Variants in POLR2F observed in about 807,000 individuals in gnomAD.
POLR2F encodes DNA-directed RNA polymerases I, II, and III subunit RPABC2.
A neutral mutation model predicts 22.7 loss-of-function variants in POLR2F; 12 were observed. The ratio of observed to expected loss-of-function variants is 0.53; its 90% CI spans 0.34 to 0.86. The LOEUF (loss-of-function observed/expected upper bound fraction) is 0.86, where lower values mean the gene tolerates loss of function less well. POLR2F is among the 40% of genes least tolerant of loss of function. The pLI, the probability that POLR2F is intolerant of heterozygous loss-of-function variation, is 0.02. For synonymous variants in POLR2F, 57 were observed against 66.0 expected (o/e 0.86, Z 0.66); for missense variants, 126 against 171.5 (o/e 0.73, Z 1.48).
At chr22:37,971,340 C>G, downstream of POLR2F, 1 of 470,370 alleles carries the variant, frequency 2.1e-6, no homozygotes, top group Non-Finnish European at 4.4e-6. Context: ...CCTTCACTGG[C>G]CTGAATGACA....
chr22:37,974,011 A>C (rs1932145649), downstream of POLR2F: 3 of 1,613,666 alleles, frequency 1.9e-6, no homozygotes, highest in African/African-American at 2.7e-5. This position sits in a 1 kb window ranked among gnomAD's most constrained non-coding sequence, Gnocchi z 5.4. Context: ...GGTCCAACTC[A>C]GCCACATCAA....
rs1053278636 is a variant in POLR2F at position 37,987,438 on chromosome 22, T to A, written c.120+1126T>A. 8.0e-6 allele frequency: 3 copies of A among 377,182 alleles called. No homozygotes were observed. In the Admixed American group the frequency reaches 9.3e-5, roughly 12 times the overall value. 23.4% of individuals were successfully genotyped at this position (377,182 alleles called of 1,614,324 possible). ...TTCACCCCCCAGCTCCCAAGTCCTC[T>A]TCCTGAGGGAGCTGGTCCGGCTTTA... On this transcript the variant is annotated intron_variant, in intron 1 of 2. Transcript: ENST00000333418.
Position 37,978,159 on chromosome 22 carries a change from A to G in POLR2F, c.293+10989A>G, listed in dbSNP as rs1267827812. 1 of 1,519,230 alleles carries G rather than the reference A, an allele frequency of 6.6e-7. No individual in the cohort carries two copies. The highest frequency in any genetic ancestry group is 2.3e-5 in the East Asian group (1 of 43,020). The allele number at this position is 1,519,230 out of a possible 1,614,324, so 94.1% of individuals were successfully genotyped here. A position where few individuals can be genotyped will look rare whatever the true frequency, so the allele number is the denominator to read the frequency against. ...GCCTGGGGTGTGGTGGGAGGCGGAG[A>G]GGACAGCAGAGGGGCTGGCGTGAAT... On this transcript the variant is annotated intron_variant, in intron 4 of 4. Transcript: ENST00000405557. The surrounding 1 kb of genome is among the most constrained non-coding windows in gnomAD (Gnocchi z 5.0).
At chr22:37,996,114 G>A (rs2084711392) in intron 1 of POLR2F, among the ~76,000 whole-genome samples, 2 of 152,202 alleles carry the variant, frequency 1.3e-5, no homozygotes, top group African/African-American at 4.8e-5. Flanking sequence ...TCTGGAGCAG[G>A]GACACCCTGG....
chr22:37,967,266 G>A, intron 4 of POLR2F, 96 bp downstream of exon 4: 3 of 1,583,278 alleles, frequency 1.9e-6, no homozygotes, highest in Non-Finnish European at 2.6e-6. Context: ...CCTGGCTGGA[G>A]AAGTTGATGC....
At chr22:37,959,970 ATTG>A (rs142218592) in intron 3 of POLR2F, among the ~76,000 whole-genome samples, 97,278 of 151,206 alleles carry the variant, frequency 0.64, 31,378 homozygotes, top group East Asian at 0.75. Flanking sequence ...TGCCTAACTA[ATTG>A]TTGTGTTTTT....
chr22:38,013,653 T>TTACACA (rs1391386569), intron 1 of POLR2F, among the ~76,000 whole-genome samples: 1 of 152,202 alleles, frequency 6.6e-6, no homozygotes, highest in African/African-American at 2.4e-5. Flanking sequence ...AAAAACACCA[T>TTACACA]TACACAAAGT....
rs1405408228 is a variant in POLR2F at position 37,968,197 on chromosome 22, C to G, written c.*482C>G. ...TGCTTCGAGCCTCTTATCGTGGGCT[C>G]GGATCCCCTTTCAGGAGCAGTGCCC... is the stretch of plus-strand genomic sequence containing the variant. On this transcript the variant is annotated 3_prime_UTR_variant, in exon 5 of 5. Coordinates refer to ENST00000442738, the MANE Select transcript of POLR2F (RefSeq NM_021974.5). 2 of 985,532 alleles carry G rather than the reference C, an allele frequency of 2.0e-6. No individual in the cohort carries two copies. The highest frequency in any genetic ancestry group is 2.4e-6 in the Non-Finnish European group (2 of 830,016). The allele number at this position is 985,532 out of a possible 1,614,324, so 61.0% of individuals were successfully genotyped here.
chr22:38,034,221 T>C (rs1441112004), intron 5 of POLR2F: 1 of 168,948 alleles, frequency 5.9e-6, no homozygotes, highest in East Asian at 1.9e-4. Flanking sequence ...TCATCCCCAC[T>C]AGTTGTCTTT....
At position 37,980,127 on chromosome 22, in the gene POLR2F, T is replaced by C. The variant is rs1932351578; in HGVS notation, c.293+12957T>C. 1.3e-5 allele frequency among the ~76,000 whole-genome samples: 2 copies of C among 152,078 alleles called. No individual in the cohort carries two copies. The highest frequency in any genetic ancestry group is 1.3e-4 in the Admixed American group (2 of 15,280). ...CCAGCCGAGACTCTGTCAGAGTCAG[T>C]GTACACACTTAGGACAAAGATGCCG... On this transcript the variant is annotated intron_variant, in intron 4 of 4. Coordinates refer to the POLR2F transcript ENST00000405557. This position sits in a 1 kb window ranked among gnomAD's most constrained non-coding sequence, Gnocchi z 4.1.
downstream of POLR2F, chr22:37,972,145 G>A (rs576387871): frequency 4.1e-5 from 18 of 441,314 alleles, no homozygotes; most frequent in East Asian, 1.6e-3. Context: ...GAGAGAGGAG[G>A]GGGGAGGGGA....
At chr22:38,025,871 C>T (rs1376331006) in exon 2 of POLR2F, 1 of 959,824 alleles carries the variant, frequency 1.0e-6, no homozygotes, top group East Asian at 2.5e-5. Context: ...CTCCCCAGGG[C>T]TGGGACCGTC....
intron 1 of POLR2F, among the ~76,000 whole-genome samples, chr22:37,995,247 C>T (rs965622758): frequency 6.6e-6 from 1 of 152,270 alleles, no homozygotes; most frequent in African/African-American, 2.4e-5. Context: ...CACCTTTTGT[C>T]CCCCAAGTGC....
intron 1 of POLR2F, among the ~76,000 whole-genome samples, chr22:38,000,029 T>C (rs1334355680): frequency 3.9e-5 from 6 of 152,120 alleles, no homozygotes; most frequent in Non-Finnish European, 8.8e-5. Context: ...TCAGCTGTGG[T>C]TTTGGCGAGG....
At chr22:38,008,746 T>G (rs1369805783) in intron 1 of POLR2F, among the ~76,000 whole-genome samples, 1 of 149,972 alleles carries the variant, frequency 6.7e-6, no homozygotes, top group Non-Finnish European at 1.5e-5. Context: ...TAATCCCAGC[T>G]ACTAGGGAGG....
intron 2 of POLR2F, chr22:37,958,281 C>T (rs889006641): frequency 1.3e-5 from 2 of 151,606 alleles, no homozygotes; most frequent in Non-Finnish European, 1.5e-5. Flanking sequence ...CTCTGCTTCC[C>T]GGGTTCATGC....
chr22:38,025,862 TC>T, intron 1 of POLR2F: 2 of 1,062,090 alleles, frequency 1.9e-6, no homozygotes, highest in Non-Finnish European at 2.9e-6. Flanking sequence ...GTTGACATCC[TC>T]CCCAGGGCTG....
downstream of POLR2F, among the ~76,000 whole-genome samples, chr22:38,029,570 G>C (rs1316781529): frequency 6.6e-6 from 1 of 152,194 alleles, no homozygotes; most frequent in African/African-American, 2.4e-5. Flanking sequence ...CCTGGGATGG[G>C]TTTTGAAGGA....
At chr22:38,035,775 G>A (rs761260421) in intron 5 of POLR2F, among the ~76,000 whole-genome samples, 3 of 152,194 alleles carry the variant, frequency 2.0e-5, no homozygotes, top group Non-Finnish European at 4.4e-5. Context: ...CGGGTGGGAG[G>A]TGCTGCCCCT....
Sources: gnomAD v4.1 joint callset for allele counts (sites outside exome capture counted in the v4.1 genomes callset) on GRCh38, gnomAD v4.1.1 for gene constraint, Gnocchi (gnomAD v3.1) non-coding constraint, MANE v1.5 for transcripts, NCBI Gene and HGNC (gene_info 2026-07-23, HGNC 2026-07-21) for gene names.